Variants in DMD observed in about 807,000 individuals in gnomAD.
DMD encodes the protein mutant dystrophin.
In DMD, 63 loss-of-function variants were observed where a neutral mutation model predicts 330.1. That is an observed-to-expected ratio of 0.19 (90% confidence interval 0.16 to 0.24). The LOEUF is 0.24. DMD is among the 10% of genes least tolerant of loss of function. The pLI is 1.00. For missense variants in DMD, 3,344 were observed against 2,684.1 expected (o/e 1.25, Z -5.43); for synonymous variants, 1,223 against 959.8 (o/e 1.27, Z -5.07).
chrX:33,005,925 T>C (rs933065222), intron 2 of DMD, among the ~76,000 whole-genome samples: 3 of 111,471 alleles, frequency 2.7e-5, no homozygotes, highest in Admixed American at 9.6e-5. Flanking sequence ...AAGATTAATA[T>C]ATAAAATTCA....
In DMD at chrX:31,119,895, G is replaced by GAAAA. The variant is rs1185461484; in HGVS notation, c.*2020_*2023dup. On this transcript the variant is annotated 3_prime_UTR_variant, in exon 79 of 79. Coordinates refer to ENST00000357033, the MANE Select transcript of DMD (RefSeq NM_004006.3). ...GAAGGAAAAAGAAAGAATTATAAAGGAAAAAGAAAATAACGCAATGGACAA... is the reference window on the plus strand; with the variant it reads ...GAAGGAAAAAGAAAGAATTATAAAGGAAAAAAAAAGAAAATAACGCAATGGACAA... 1 of 111,913 alleles carries GAAAA rather than the reference G, an allele frequency of 8.9e-6. No individual in the cohort carries two copies. The highest frequency in any genetic ancestry group is 1.9e-5 in the Non-Finnish European group (1 of 53,097). The allele number at this position is 111,913 out of a possible 1,213,427, so 9.2% of individuals were successfully genotyped here. A position where few individuals can be genotyped will look rare whatever the true frequency, so the allele number is the denominator to read the frequency against.
rs187003948 is a variant in DMD, at chrX:32,879,055, A to G, written c.94-29235T>C. ...AACAAACAAAAAAAAAACAACTAAT[A>G]TTTGTATATTAATATAAACTCCTGA... On this transcript the variant is annotated intron_variant, in intron 2 of 78. Transcript: ENST00000357033. Among the ~76,000 whole-genome samples the G allele has an allele frequency of 2.1e-3, 230 of 109,723 alleles. 1 individual carries two copies. Among genetic ancestry groups the G allele is most frequent in the African/African-American group, 7.0e-3 (211 of 30,173 alleles).
intron 42 of DMD, among the ~76,000 whole-genome samples, chrX:32,292,302 C>CTTTTTTTGTTTTTTTTTTTTTTT (rs2097474870): frequency 1.6e-5 from 1 of 62,926 alleles, no homozygotes; most frequent in Non-Finnish European, 2.7e-5. Flanking sequence ...AGGGAATATT[C>CTTTTTTTGTTTTTTTTTTTTTTT]TTTTTTTTTT....
intron 17 of DMD, among the ~76,000 whole-genome samples, chrX:32,530,276 G>A (rs777309037): frequency 4.5e-4 from 51 of 112,233 alleles, no homozygotes; most frequent in African/African-American, 1.6e-3. Flanking sequence ...AGCTATTAAT[G>A]CCAAAAATGT....
intron 44 of DMD, among the ~76,000 whole-genome samples, chrX:32,105,211 A>C (rs2096558889): frequency 9.0e-6 from 1 of 111,691 alleles, no homozygotes; most frequent in African/African-American, 3.3e-5. Context: ...TTCCAGCAGA[A>C]ACAGAAATGC....
chrX:31,840,739 T>C (rs748316063), intron 48 of DMD, among the ~76,000 whole-genome samples: 1 of 110,404 alleles, frequency 9.1e-6, no homozygotes, highest in African/African-American at 3.3e-5. Context: ...CAGTAATCTT[T>C]GATGTTACTA....
At position 31,187,716 on chromosome X, in the gene DMD, TCAGAGAGAGAGAGA is replaced by T. The variant is rs1475439116; in HGVS notation, c.9808-4826_9808-4813del. ...TCAGCTCTGGAATCTTCCCAGATTC[TCAGAGAGAGAGAGA>T]GAGAGAGAGAGAGAGAGAGAGAGAG... On this transcript the variant is annotated intron_variant, in intron 67 of 78. Coordinates refer to ENST00000357033, the MANE Select transcript of DMD (RefSeq NM_004006.3). Among the ~76,000 whole-genome samples the T allele has an allele frequency of 5.9e-4, 45 of 76,623 alleles. 1 individual carries two copies. The highest frequency in any genetic ancestry group is 1.9e-3 in the African/African-American group (36 of 19,265). The allele number at this position is 76,623 out of a possible 115,157, so 66.5% of individuals were successfully genotyped here. A position where few individuals can be genotyped will look rare whatever the true frequency, so the allele number is the denominator to read the frequency against.
intron 64 of DMD, among the ~76,000 whole-genome samples, chrX:31,221,002 C>A (rs1210789365): frequency 1.0e-5 from 1 of 98,616 alleles, no homozygotes; most frequent in Non-Finnish European, 2.0e-5. Flanking sequence ...CCGGAGAAGC[C>A]AAAAGATTGG....
chrX:32,425,458 C>A (rs1478114860), intron 29 of DMD, among the ~76,000 whole-genome samples: 2 of 111,171 alleles, frequency 1.8e-5, no homozygotes, highest in African/African-American at 6.5e-5. Flanking sequence ...TCTATTGGAT[C>A]TTCCCTTATA....
rs2057773491 is a variant in DMD at position 32,618,735 on chromosome X, C to A, written c.1332-4282G>T. On this transcript the variant is annotated intron_variant, in intron 11 of 78. Coordinates refer to ENST00000357033, the MANE Select transcript of DMD (RefSeq NM_004006.3). ...GAGATTATCACCTCACTTTTGTTAG[C>A]ATGGCTACTATCCAAAACAAAAAAA... 2.7e-5 allele frequency among the ~76,000 whole-genome samples: 3 copies of A among 111,121 alleles called. No homozygotes were observed. In the South Asian group the frequency reaches 1.1e-3, roughly 42 times the overall value.
At chrX:33,246,325 A>G (rs2052662191) in intron 1 of DMD, among the ~76,000 whole-genome samples, 1 of 111,720 alleles carries the variant, frequency 9.0e-6, no homozygotes, top group Non-Finnish European at 1.9e-5. Flanking sequence ...CCTCAGCATC[A>G]TCAGGGTCAA....
chrX:31,813,444 A>C (rs1165865361), intron 50 of DMD, among the ~76,000 whole-genome samples: 1 of 111,412 alleles, frequency 9.0e-6, no homozygotes, highest in African/African-American at 3.3e-5. Flanking sequence ...ATAGTGAATA[A>C]GTCTCATGAG....
chrX:32,392,231 A>T (rs972047155), intron 30 of DMD, among the ~76,000 whole-genome samples: 2 of 111,417 alleles, frequency 1.8e-5, no homozygotes, highest in African/African-American at 6.5e-5. Context: ...ATGGCTTCCA[A>T]TGCGGTATGG....
At position 32,953,939 on chromosome X, in the gene DMD, T is replaced by C. The variant is rs147698957; in HGVS notation, c.93+66200A>G. On this transcript the variant is annotated intron_variant, in intron 2 of 78. Transcript: ENST00000357033. ...TGCAGCAGCAGTTGGCTTCAGAAAC[T>C]CTTGTTAATGCGTTCCTCAGACTGT... is the stretch of plus-strand genomic sequence containing the variant. Among the ~76,000 whole-genome samples the C allele has an allele frequency of 7.4e-3, 834 of 112,075 alleles. 8 individuals are homozygous for C. The highest frequency in any genetic ancestry group is 0.026 in the African/African-American group (791 of 30,866).
chrX:32,864,185 T>TACACAC, intron 2 of DMD, among the ~76,000 whole-genome samples: 1 of 112,540 alleles, frequency 8.9e-6, no homozygotes, highest in African/African-American at 3.2e-5. Flanking sequence ...TCGACTGGTT[T>TACACAC]ATGTCAGCGC....
At chrX:32,779,537 G>A (rs1252035995) in intron 7 of DMD, among the ~76,000 whole-genome samples, 1 of 109,323 alleles carries the variant, frequency 9.1e-6, no homozygotes, top group Admixed American at 9.9e-5. Context: ...CCCCCTTCCT[G>A]TGTCCATGTG....
chrX:31,482,236 T>G (rs5971574), intron 57 of DMD, among the ~76,000 whole-genome samples: 17,781 of 84,107 alleles, frequency 0.21, 2,148 homozygotes, highest in African/African-American at 0.36. Context: ...TGTGTGTGTG[T>G]GGGGGGGGTG....
At chrX:31,612,574 G>A (rs182656871) in intron 55 of DMD, among the ~76,000 whole-genome samples, 4 of 111,682 alleles carry the variant, frequency 3.6e-5, no homozygotes, top group South Asian at 3.8e-4. Context: ...GAACTAAACT[G>A]AGAAAAACTA....
At position 33,101,209 on chromosome X, in the gene DMD, T is replaced by C. The variant is rs945485160; in HGVS notation, c.32-81009A>G. ...TAATGTCCTACTAAAGCTAGGAAAA[T>C]ACAGTTTTTGGATCAGATCTAAATT... is the stretch of plus-strand genomic sequence containing the variant. On this transcript the variant is annotated intron_variant, in intron 1 of 78. Coordinates refer to ENST00000357033, the MANE Select transcript of DMD (RefSeq NM_004006.3). Among the ~76,000 whole-genome samples, 3 of 112,362 alleles carry C rather than the reference T, an allele frequency of 2.7e-5. No homozygotes were observed. In the Admixed American group the frequency reaches 2.8e-4, roughly 11 times the overall value.
Sources: allele counts gnomAD v4.1 joint callset (sites outside exome capture counted in the v4.1 genomes callset), GRCh38; gene constraint gnomAD v4.1.1; transcripts MANE v1.5; gene names NCBI Gene and HGNC (gene_info 2026-07-23, HGNC 2026-07-21).